ATP11A: variants seen among roughly 807,000 people sequenced by gnomAD.
ATP11A encodes the protein phospholipid-transporting ATPase IH.
A neutral mutation model predicts 154.4 loss-of-function variants in ATP11A; 81 were observed. The observed-to-expected ratio is 0.52, with a 90% CI of 0.44 to 0.63. ATP11A has a LOEUF of 0.63. ATP11A is among the 30% of genes least tolerant of loss of function. ATP11A has a pLI of 0.00. For synonymous variants in ATP11A, 623 were observed against 585.9 expected (o/e 1.06, Z -0.91); for missense variants, 1,316 against 1,474.3 (o/e 0.89, Z 1.76).
chr13:112,768,794 C>T (rs550777629), intron 1 of ATP11A, among the ~76,000 whole-genome samples: 2 of 152,126 alleles, frequency 1.3e-5, no homozygotes, highest in Admixed American at 6.5e-5. Context: ...CAGTGTTTTC[C>T]GGTGGCTTGG....
At chr13:112,823,457 C>T (rs1436509645) in intron 9 of ATP11A, 48 bp downstream of exon 9, 2 of 1,483,378 alleles carry the variant, frequency 1.3e-6, no homozygotes, top group Admixed American at 1.8e-5. Flanking sequence ...ATTAAGGATG[C>T]ATGAAGCAAA....
chr13:112,773,913 A>G (rs531276703), intron 1 of ATP11A, among the ~76,000 whole-genome samples: 6 of 141,556 alleles, frequency 4.2e-5, no homozygotes, highest in African/African-American at 1.5e-4. Flanking sequence ...CTTCCCAGGG[A>G]AGTCCTGCCT....
At chr13:112,708,780 G>A (rs962538929) in intron 1 of ATP11A, among the ~76,000 whole-genome samples, 6 of 152,186 alleles carry the variant, frequency 3.9e-5, no homozygotes, top group Non-Finnish European at 8.8e-5. Flanking sequence ...CGACAAGCCT[G>A]TAGCTTTGGT....
At chr13:112,865,117 A>G in intron 25 of ATP11A, among the ~76,000 whole-genome samples, 1 of 101,640 alleles carries the variant, frequency 9.8e-6, no homozygotes, top group South Asian at 3.5e-4. Context: ...GCAGCTTCCC[A>G]GCGGGGTCCA....
chr13:112,736,405 G>T (rs957350308), intron 1 of ATP11A, among the ~76,000 whole-genome samples: 1 of 152,204 alleles, frequency 6.6e-6, no homozygotes, highest in Non-Finnish European at 1.5e-5. Context: ...TGTTATCACT[G>T]TGTTTTCTGG....
chr13:112,701,608 G>A (rs1038554074), intron 1 of ATP11A, among the ~76,000 whole-genome samples: 4 of 152,110 alleles, frequency 2.6e-5, no homozygotes, highest in African/African-American at 7.2e-5. Flanking sequence ...CGAGGCGGGC[G>A]GATCACGAGG....
In ATP11A at chr13:112,858,304, C is replaced by T. The variant is rs757773189; in HGVS notation, c.2667+14C>T. The stretch of plus-strand genomic sequence containing the variant: ...TTCTTCTATAAGGTAGGAGGGTCGC[C>T]GCTCCCCCTCACGGTGTTAGCAACA... On this transcript the variant is annotated intron_variant, in intron 22 of 29. Transcript: ENST00000375645. 9.4e-6 allele frequency: 15 copies of T among 1,603,586 alleles called. No individual in the cohort carries two copies. Among genetic ancestry groups the T allele is most frequent in the South Asian group, 2.2e-5 (2 of 90,494 alleles).
intron 1 of ATP11A, chr13:112,747,376 G>A (rs551009215): frequency 6.6e-6 from 1 of 152,390 alleles, no homozygotes; most frequent in East Asian, 1.9e-4. Context: ...CCGGAGCTTG[G>A]CGTCCACGGG....
intron 16 of ATP11A, among the ~76,000 whole-genome samples, chr13:112,839,264 G>GCC (rs2079327286): frequency 6.6e-6 from 1 of 152,108 alleles, no homozygotes; most frequent in Non-Finnish European, 1.5e-5. Context: ...CGACTCGAAA[G>GCC]AAGAAAAGGA....
At chr13:112,825,875 T>C (rs890984612) in intron 11 of ATP11A, among the ~76,000 whole-genome samples, 2 of 152,214 alleles carry the variant, frequency 1.3e-5, no homozygotes, top group Admixed American at 1.3e-4. Context: ...TGCTTGTTAA[T>C]GATTATGAGA....
Position 112,886,240 on chromosome 13 carries a change from G to C in ATP11A, c.*4374G>C, listed in dbSNP as rs1247801199. 2 of 152,042 alleles carry C rather than the reference G, an allele frequency of 1.3e-5. No individual in the cohort carries two copies. The highest frequency in any genetic ancestry group is 3.9e-4 in the East Asian group (2 of 5,190). The allele number at this position is 152,042 out of a possible 1,614,324, so 9.4% of individuals were successfully genotyped here. A position where few individuals can be genotyped will look rare whatever the true frequency, so the allele number is the denominator to read the frequency against. Reference sequence around the variant, plus strand: ...AGGGTGACCATCCGCTCGGCTTGCTGAGCGTTTAAACAAATGTTTAGACAG... The same window carrying C: ...AGGGTGACCATCCGCTCGGCTTGCTCAGCGTTTAAACAAATGTTTAGACAG... On this transcript the variant is annotated 3_prime_UTR_variant, in exon 30 of 30. Coordinates refer to ENST00000375645, the MANE Select transcript of ATP11A (RefSeq NM_015205.3).
At chr13:112,877,543 A>G (rs1177312127) in intron 28 of ATP11A, among the ~76,000 whole-genome samples, 2 of 152,168 alleles carry the variant, frequency 1.3e-5, no homozygotes, top group African/African-American at 2.4e-5. Flanking sequence ...TCTGACCCCG[A>G]GAGAGAGCAG....
At chr13:112,810,778 A>G in intron 5 of ATP11A, 52 bp downstream of exon 5, 2 of 1,562,252 alleles carry the variant, frequency 1.3e-6, no homozygotes, top group Admixed American at 1.7e-5. Flanking sequence ...ACTGTTTAAA[A>G]AATAAGTTTT....
chr13:112,832,973 G>A lies in ATP11A; in HGVS notation c.1509G>A (p.Val503=), dbSNP rs758191919. The part of the protein sequence containing the change: ...RKSPDGGKSC[V]YISSSPDEVA... ...CGCCGGACGGGGGGAAATCCTGTGT[G>A]TACATCTCATCCTCGCCCGACGAGG... Residue 503 remains valine, a synonymous_variant, in exon 14 of 30, where the codon GTG becomes GTA. Coordinates refer to ENST00000375645, the MANE Select transcript of ATP11A (RefSeq NM_015205.3). 13 of 1,613,876 alleles carry A rather than the reference G, an allele frequency of 8.1e-6. No homozygotes were observed. Among genetic ancestry groups the A allele is most frequent in the South Asian group, 7.7e-5 (7 of 91,068 alleles).
rs1250381582 is a variant in ATP11A, at chr13:112,753,934, G to A, written c.40-31201G>A. Among the ~76,000 whole-genome samples the A allele has an allele frequency of 6.6e-6, 1 of 152,164 alleles. No homozygotes were observed. ...AGAAGCCATCTATGTTCTTCCTGGG[G>A]CATCATTTGAGCTCATTACGTGGAC... is the stretch of plus-strand genomic sequence containing the variant. On this transcript the variant is annotated intron_variant, in intron 1 of 29. Coordinates refer to ENST00000375645, the MANE Select transcript of ATP11A (RefSeq NM_015205.3). The surrounding 1 kb of genome is among the most constrained non-coding windows in gnomAD (Gnocchi z 4.1).
At chr13:112,793,508 C>T (rs1333595644) in intron 2 of ATP11A, among the ~76,000 whole-genome samples, 1 of 152,188 alleles carries the variant, frequency 6.6e-6, no homozygotes, top group Non-Finnish European at 1.5e-5. Flanking sequence ...CATCCAGGGG[C>T]ACGTTTCTTA....
At chr13:112,862,035 C>T (rs1389625445) in intron 24 of ATP11A, among the ~76,000 whole-genome samples, 4 of 152,142 alleles carry the variant, frequency 2.6e-5, no homozygotes, top group East Asian at 1.9e-4. Context: ...TCACGTCAGG[C>T]GTAAGGTGTC....
intron 16 of ATP11A, among the ~76,000 whole-genome samples, chr13:112,841,231 C>G (rs1158329205): frequency 1.8e-4 from 20 of 110,344 alleles, no homozygotes; most frequent in African/African-American, 5.4e-4. Context: ...TCGCGGACCA[C>G]GGATGCTTCA....
rs2076772321 is a variant in ATP11A, at chr13:112,754,567, TG to T, written c.40-30567del. On this transcript the variant is annotated intron_variant, in intron 1 of 29. Transcript: ENST00000375645. This position sits in a 1 kb window ranked among gnomAD's most constrained non-coding sequence, Gnocchi z 5.3. ...TCACTGCGGCTCCTGTGCTCCACGC[TG>T]CCCCCCCGAGAGGCAGAACTTTCTC... is the stretch of plus-strand genomic sequence containing the variant. 6.3e-6 allele frequency: 1 copy of T among 159,002 alleles called. No homozygotes were observed. Among genetic ancestry groups the T allele is most frequent in the Admixed American group, 6.2e-5 (1 of 16,042 alleles). 9.8% of individuals were successfully genotyped at this position (159,002 alleles called of 1,614,324 possible).
Sources: allele counts gnomAD v4.1 joint callset (sites outside exome capture counted in the v4.1 genomes callset), GRCh38; gene constraint gnomAD v4.1.1; non-coding constraint Gnocchi (gnomAD v3.1); transcripts MANE v1.5; gene names NCBI Gene and HGNC (gene_info 2026-07-23, HGNC 2026-07-21).